Variants in CFAP47 observed in about 807,000 individuals in gnomAD.
The protein encoded by CFAP47 is cilia- and flagella-associated protein 47.
Under a neutral mutation model 148.1 loss-of-function variants are expected in CFAP47, and 29 were observed. That is an observed-to-expected ratio of 0.20 (90% CI 0.15 to 0.27). The LOEUF is 0.27. CFAP47 is among the 10% of genes least tolerant of loss of function. The probability of loss-of-function intolerance (pLI) is 1.00; values close to 1 mark genes in which losing one functional copy is unlikely to be tolerated. For missense variants in CFAP47, 1,872 were observed against 1,697.5 expected, an observed-to-expected ratio of 1.10 and a Z score of -1.81; for synonymous variants, 664 against 577.3, an observed-to-expected ratio of 1.15 and a Z score of -2.15.
In CFAP47 at chrX:35,951,833, G is replaced by T. The variant is rs755628937; in HGVS notation, c.916G>T (p.Ala306Ser). Reference sequence around the variant, plus strand: ...AGATATTCAACAAAGAACAGATATTGCTTTAAATAATCTCACCTACATAAG... The same window carrying T: ...AGATATTCAACAAAGAACAGATATTTCTTTAAATAATCTCACCTACATAAG... ...GTDIQQRTDI[A>S]LNNLTYIRKI... is the part of the protein sequence containing the mutation. The change falls in exon 6 of 64, where the codon GCT becomes TCT. Residue 306 changes from alanine (A) to serine (S), a missense_variant. By Grantham distance (99) the Ala-to-Ser change is moderately conservative (BLOSUM62 1). Transcript: ENST00000378653. 8.7e-7 allele frequency: 1 copy of T among 1,151,186 alleles called. No individual in the cohort carries two copies. Among genetic ancestry groups the T allele is most frequent in the South Asian group, 2.1e-5 (1 of 46,529 alleles). 94.9% of individuals were successfully genotyped at this position (1,151,186 alleles called of 1,213,427 possible).
intron 21 of CFAP47, among the ~76,000 whole-genome samples, chrX:36,006,200 T>C (rs146588262): frequency 0.017 from 1,843 of 110,726 alleles, 45 homozygotes; most frequent in African/African-American, 0.058. Context: ...GTCAGCAATT[T>C]AAAAAGTTCT....
At chrX:36,174,796 G>T (rs1281931380) in intron 39 of CFAP47, among the ~76,000 whole-genome samples, 1 of 109,696 alleles carries the variant, frequency 9.1e-6, no homozygotes, top group East Asian at 2.9e-4. Context: ...TGCTCTTCTC[G>T]AGCAGTATCT....
intron 50 of CFAP47, among the ~76,000 whole-genome samples, chrX:36,282,493 C>T (rs1941089686): frequency 9.0e-6 from 1 of 111,220 alleles, no homozygotes; most frequent in South Asian, 3.8e-4. Context: ...GAAAAATGTA[C>T]CTGACAACAT....
At chrX:36,211,582 A>G in intron 45 of CFAP47, 2 of 281,658 alleles carry the variant, frequency 7.1e-6, no homozygotes, top group Non-Finnish European at 1.3e-5. Flanking sequence ...AAATACAAAA[A>G]GGATATTGCT....
chrX:36,305,575 C>G (rs1179430212), intron 54 of CFAP47, among the ~76,000 whole-genome samples: 1 of 110,883 alleles, frequency 9.0e-6, no homozygotes, highest in African/African-American at 3.3e-5. Context: ...TAGAAAACAA[C>G]TCAAAAAGCT....
Position 36,120,504 on chromosome X carries a change from C to T in CFAP47, c.5320+15813C>T, listed in dbSNP as rs372105527. Among the ~76,000 whole-genome samples, 37 of 111,233 alleles carry T rather than the reference C, an allele frequency of 3.3e-4. No homozygotes were observed. The South Asian group carries it at 8.0e-3, about 24-fold the overall frequency. On this transcript the variant is annotated intron_variant, in intron 33 of 63. Coordinates refer to ENST00000378653, the MANE Select transcript of CFAP47 (RefSeq NM_001304548.2). ...CTGTTTTTAAGGCAGGCACTTGCAG[C>T]TATGAAATTCTCCGTTACTACTATT...
At position 36,075,314 on chromosome X, in the gene CFAP47, G is replaced by A. The variant is rs545037386; in HGVS notation, c.4691+1950G>A. On this transcript the variant is annotated intron_variant, in intron 29 of 63. Transcript: ENST00000378653. ...GCAATCTCGGCTAACTGCAACCTCCGCTTCCCGGGCTCAAGCAGTTCTTCT... is the reference window on the plus strand; with the variant it reads ...GCAATCTCGGCTAACTGCAACCTCCACTTCCCGGGCTCAAGCAGTTCTTCT... Among the ~76,000 whole-genome samples, 4 of 109,386 alleles carry A rather than the reference G, an allele frequency of 3.7e-5. No individual in the cohort carries two copies. The South Asian group carries it at 1.2e-3, about 32-fold the overall frequency. 95.0% of individuals were successfully genotyped at this position (109,386 alleles called of 115,157 possible).
chrX:36,083,763 T>A (rs1938029324), intron 29 of CFAP47, among the ~76,000 whole-genome samples: 1 of 111,380 alleles, frequency 9.0e-6, no homozygotes, highest in Admixed American at 9.6e-5. Flanking sequence ...ATAAACAAAA[T>A]CCTTTAACAT....
chrX:35,962,853 T>C (rs1433955681), intron 8 of CFAP47, among the ~76,000 whole-genome samples: 1 of 110,197 alleles, frequency 9.1e-6, no homozygotes, highest in East Asian at 2.8e-4. Flanking sequence ...TATAGAATGA[T>C]GCTGCAATTA....
At chrX:36,171,776 T>C (rs1939583210) in intron 39 of CFAP47, among the ~76,000 whole-genome samples, 1 of 111,720 alleles carries the variant, frequency 9.0e-6, no homozygotes, top group Non-Finnish European at 1.9e-5. Context: ...GACTTGGCGA[T>C]GCGGGCTATT....
intron 46 of CFAP47, among the ~76,000 whole-genome samples, chrX:36,233,436 C>T (rs1325885828): frequency 2.7e-5 from 3 of 110,920 alleles, no homozygotes; most frequent in Non-Finnish European, 5.7e-5. Context: ...AGGATTGCAA[C>T]CCCTGCCTTT....
At chrX:36,170,275 T>C (rs1387556895) in intron 39 of CFAP47, among the ~76,000 whole-genome samples, 2 of 111,921 alleles carry the variant, frequency 1.8e-5, no homozygotes, top group African/African-American at 3.2e-5. Flanking sequence ...GATAAATGTA[T>C]GGTGGTTCTT....
chrX:36,329,173 C>T (rs1941543916), intron 57 of CFAP47, among the ~76,000 whole-genome samples: 1 of 111,170 alleles, frequency 9.0e-6, no homozygotes, highest in African/African-American at 3.3e-5. Context: ...GAGGATACCA[C>T]CTCGATCCTA....
chrX:36,069,061 A>G (rs1937697703), intron 27 of CFAP47, among the ~76,000 whole-genome samples: 1 of 110,963 alleles, frequency 9.0e-6, no homozygotes, highest in African/African-American at 3.3e-5. Context: ...ACAACATAAT[A>G]GTTATGAAGA....
At chrX:36,001,144 G>A (rs1037215299) in intron 20 of CFAP47, among the ~76,000 whole-genome samples, 8 of 111,466 alleles carry the variant, frequency 7.2e-5, no homozygotes, top group Non-Finnish European at 1.3e-4. Flanking sequence ...AGATAGTAGC[G>A]TTTGAGTCCA....
At chrX:36,168,942 T>C (rs1489974301) in intron 39 of CFAP47, among the ~76,000 whole-genome samples, 1 of 112,330 alleles carries the variant, frequency 8.9e-6, no homozygotes, top group African/African-American at 3.2e-5. Context: ...TTTTAGTTAT[T>C]CTTTACTTTA....
At chrX:36,026,851 A>C (rs1215425972) in intron 22 of CFAP47, among the ~76,000 whole-genome samples, 1 of 109,909 alleles carries the variant, frequency 9.1e-6, no homozygotes, top group Admixed American at 9.8e-5. Flanking sequence ...TTCCTCCCAC[A>C]TTTGAATGAT....
intron 26 of CFAP47, among the ~76,000 whole-genome samples, chrX:36,050,511 C>T (rs956510939): frequency 7.2e-5 from 8 of 111,308 alleles, no homozygotes; most frequent in Admixed American, 1.9e-4. Flanking sequence ...TTTGCCCCTG[C>T]GCTAGAGATC....
At chrX:36,355,939 A>G (rs782223760) in intron 60 of CFAP47, among the ~76,000 whole-genome samples, 1 of 111,883 alleles carries the variant, frequency 8.9e-6, no homozygotes, top group Non-Finnish European at 1.9e-5. Context: ...GCTACTTTAA[A>G]TTGCTTAAGT....
Sources: allele counts gnomAD v4.1 joint callset (sites outside exome capture counted in the v4.1 genomes callset), GRCh38; gene constraint gnomAD v4.1.1; transcripts MANE v1.5; gene names NCBI Gene and HGNC (gene_info 2026-07-23, HGNC 2026-07-21).